STYX: variants seen among roughly 807,000 people sequenced by gnomAD.
The protein encoded by STYX is serine/threonine/tyrosine interacting protein.
In STYX, 20 loss-of-function variants were observed where a neutral mutation model predicts 42.7. The observed-to-expected ratio is 0.47, with a 90% CI of 0.33 to 0.68. STYX has a LOEUF of 0.68. Among genes scored for constraint, STYX ranks in the 30% least tolerant of loss-of-function variants. The pLI, the probability that STYX is intolerant of heterozygous loss-of-function variation, is 0.02. For missense variants in STYX, 226 were observed against 268.5 expected (o/e 0.84, Z 1.11); for synonymous variants, 78 against 81.9 (o/e 0.95, Z 0.26).
At chr14:52,748,950 T>C (rs1276961321) in intron 3 of STYX, among the ~76,000 whole-genome samples, 2 of 152,228 alleles carry the variant, frequency 1.3e-5, no homozygotes, top group African/African-American at 4.8e-5. Flanking sequence ...ATAATTGAAT[T>C]CTAATCTATG....
Position 52,741,226 on chromosome 14 carries a change from A to T in STYX, c.58-3626A>T, listed in dbSNP as rs866435719. ...TATATGTTTTTATATATATATATATATATATTTTTTTTTTGGTAAAGCCTA... is the reference window on the plus strand; with the variant it reads ...TATATGTTTTTATATATATATATATTTATATTTTTTTTTTGGTAAAGCCTA... On this transcript the variant is annotated intron_variant, in intron 1 of 10. Coordinates refer to ENST00000354586, the MANE Select transcript of STYX (RefSeq NM_145251.4). Among the ~76,000 whole-genome samples the T allele has an allele frequency of 1.5e-3, 155 of 101,436 alleles. 1 individual carries two copies. Among genetic ancestry groups the T allele is most frequent in the Middle Eastern group, 5.1e-3 (1 of 196 alleles). The allele number at this position is 101,436 out of a possible 152,430, so 66.5% of individuals were successfully genotyped here.
intron 1 of STYX, among the ~76,000 whole-genome samples, chr14:52,732,514 C>T (rs1880775514): frequency 6.6e-6 from 1 of 151,734 alleles, no homozygotes; most frequent in Non-Finnish European, 1.5e-5. Flanking sequence ...ACCTTGTGAT[C>T]CGCCTGGCTT....
In STYX at chr14:52,774,668, T is replaced by G. The variant is rs566093547; in HGVS notation, c.*3562T>G. ...ACTCAAAATATTCAGGTTTACATGT[T>G]AGCTCTCTCTCATAGGGAGCTGCCA... On this transcript the variant is annotated 3_prime_UTR_variant, in exon 11 of 11. Transcript: ENST00000354586. 6.6e-6 allele frequency: 1 copy of G among 151,992 alleles called. No homozygotes were observed. Among genetic ancestry groups the G allele is most frequent in the Non-Finnish European group, 1.5e-5 (1 of 67,928 alleles). The allele number at this position is 151,992 out of a possible 1,614,324, so 9.4% of individuals were successfully genotyped here.
chr14:52,732,710 G>T (rs1346694999), intron 1 of STYX, among the ~76,000 whole-genome samples: 3 of 151,748 alleles, frequency 2.0e-5, no homozygotes, highest in Non-Finnish European at 2.9e-5. Flanking sequence ...CACTCTTGTT[G>T]CCCAGGCTGG....
chr14:52,749,676 C>T (rs1448577350), intron 3 of STYX, among the ~76,000 whole-genome samples: 13 of 152,214 alleles, frequency 8.5e-5, no homozygotes, highest in Admixed American at 8.5e-4. Context: ...CATCTATAAA[C>T]TCACTTAAAC....
rs1048933849 is a variant in STYX, at chr14:52,762,050, G to GA, written c.504+2307dup. 1.9e-3 allele frequency among the ~76,000 whole-genome samples: 275 copies of GA among 142,576 alleles called. 1 individual carries two copies. Among genetic ancestry groups the GA allele is most frequent in the African/African-American group, 5.7e-3 (225 of 39,156 alleles). The allele number at this position is 142,576 out of a possible 152,430, so 93.5% of individuals were successfully genotyped here. A position where few individuals can be genotyped will look rare whatever the true frequency, so the allele number is the denominator to read the frequency against. On this transcript the variant is annotated intron_variant, in intron 9 of 10. Coordinates refer to ENST00000354586, the MANE Select transcript of STYX (RefSeq NM_145251.4). ...ACAAGAGCAAGACTTCGTCACAAAAGAAAAAAAAAAATAGAGATAGGGTTT... is the reference window on the plus strand; with the variant it reads ...ACAAGAGCAAGACTTCGTCACAAAAGAAAAAAAAAAAATAGAGATAGGGTTT...
At position 52,772,553 on chromosome 14, in the gene STYX, T is replaced by A. The variant is rs572272624; in HGVS notation, c.*1447T>A. ...GTAGCACAAACAAAACTCCTTTGTA[T>A]CTAACTTTTCTCAATCCTCTCTTGA... On this transcript the variant is annotated 3_prime_UTR_variant, in exon 11 of 11. Coordinates refer to ENST00000354586, the MANE Select transcript of STYX (RefSeq NM_145251.4). 3.7e-4 allele frequency: 57 copies of A among 152,728 alleles called. No individual in the cohort carries two copies. The highest frequency in any genetic ancestry group is 2.9e-3 in the Admixed American group (44 of 15,294). 9.5% of individuals were successfully genotyped at this position (152,728 alleles called of 1,614,324 possible). A position where few individuals can be genotyped will look rare whatever the true frequency, so the allele number is the denominator to read the frequency against.
chr14:52,735,492 G>A (rs1056658651), intron 1 of STYX, among the ~76,000 whole-genome samples: 1 of 152,012 alleles, frequency 6.6e-6, no homozygotes, highest in African/African-American at 2.4e-5. Context: ...CAGGTAGAGG[G>A]TACTTTCTGG....
chr14:52,755,831 T>C (rs527453229), intron 4 of STYX, among the ~76,000 whole-genome samples: 1 of 152,096 alleles, frequency 6.6e-6, no homozygotes, highest in Non-Finnish European at 1.5e-5. Context: ...TGTAGGTTCA[T>C]GAGCAGGAGT....
At chr14:52,743,408 C>T (rs890121010) in intron 1 of STYX, among the ~76,000 whole-genome samples, 3 of 151,778 alleles carry the variant, frequency 2.0e-5, no homozygotes, top group South Asian at 2.1e-4. Context: ...GGTGAAACCC[C>T]GTCTCTACTA....
chr14:52,764,666 CTTTTTTTTTTTT>C, intron 9 of STYX, among the ~76,000 whole-genome samples: 2 of 98,976 alleles, frequency 2.0e-5, no homozygotes, highest in Middle Eastern at 0.015. Context: ...TTTACTTTTC[CTTTTTTTTTTTT>C]TTTTTTTTGA....
Position 52,730,519 on chromosome 14 carries a change from G to A in STYX, c.45G>A (p.Lys15=). The A allele has an allele frequency of 6.2e-7, 1 of 1,613,602 alleles. No individual in the cohort carries two copies. Among genetic ancestry groups the A allele is most frequent in the Non-Finnish European group, 8.5e-7 (1 of 1,179,856 alleles). The part of the protein sequence containing the change: ...KLEFPSLPQC[K]EDAEEWTYPM... ...AGTTCCCTTCCCTTCCACAGTGCAA[G>A]GAAGACGCCGAGGTGAGTCGCTCCC... Residue 15 remains lysine (K), a synonymous_variant, in exon 1 of 11, where the codon AAG becomes AAA. Transcript: ENST00000354586.
At chr14:52,733,889 C>T (rs1484498251) in intron 1 of STYX, among the ~76,000 whole-genome samples, 1 of 152,120 alleles carries the variant, frequency 6.6e-6, no homozygotes, top group Non-Finnish European at 1.5e-5. Flanking sequence ...TGGGAGCTGC[C>T]CTAGCAGCAC....
rs767783255 is a variant in STYX, at chr14:52,746,443, G to C, written c.108G>C (p.Leu36Phe). Residue 36 changes from leucine to phenylalanine, a missense_variant, in exon 3 of 11, where the codon TTG (leucine) becomes TTC (phenylalanine). Transcript: ENST00000354586. Reference sequence around the variant, plus strand: ...TTTTCTAGGAAATTTTACCTGGATTGTTCTTAGGCCCATATTCATCTGCTA... The same window carrying C: ...TTTTCTAGGAAATTTTACCTGGATTCTTCTTAGGCCCATATTCATCTGCTA... ...RREMQEILPG[L>F]FLGPYSSAMK... The C allele has an allele frequency of 6.4e-7, 1 of 1,554,558 alleles. No individual in the cohort carries two copies. The highest frequency in any genetic ancestry group is 1.4e-5 in the African/African-American group (1 of 69,498).
At chr14:52,748,923 A>G (rs913738388) in intron 3 of STYX, among the ~76,000 whole-genome samples, 2 of 152,262 alleles carry the variant, frequency 1.3e-5, no homozygotes, top group African/African-American at 4.8e-5. Context: ...CTCAAGTTAT[A>G]CTCAAGAAAT....
At chr14:52,744,920 GTTA>G in intron 2 of STYX, 36 bp downstream of exon 2, 1 of 1,603,864 alleles carries the variant, frequency 6.2e-7, no homozygotes, top group Non-Finnish European at 8.5e-7. Flanking sequence ...ACCAACCCAT[GTTA>G]TTATCATAAT....
intron 1 of STYX, among the ~76,000 whole-genome samples, chr14:52,734,617 T>G (rs1250042425): frequency 6.6e-6 from 1 of 152,222 alleles, no homozygotes; most frequent in Non-Finnish European, 1.5e-5. Flanking sequence ...TATTTCATAT[T>G]ATATCACAGG....
At chr14:52,761,389 T>G (rs1429630377) in intron 9 of STYX, among the ~76,000 whole-genome samples, 1 of 151,750 alleles carries the variant, frequency 6.6e-6, no homozygotes, top group African/African-American at 2.4e-5. Flanking sequence ...TGAATATACC[T>G]GTAAGGTAAC....
intron 3 of STYX, 140 bp downstream of exon 3, chr14:52,746,619 C>T (rs1035539849): frequency 3.0e-6 from 2 of 658,272 alleles, no homozygotes; most frequent in Admixed American, 3.9e-5. Context: ...TCTGGAGTAC[C>T]TTCCTCTTTC....
Sources: allele counts gnomAD v4.1 joint callset (sites outside exome capture counted in the v4.1 genomes callset), GRCh38; gene constraint gnomAD v4.1.1; transcripts MANE v1.5; gene names NCBI Gene and HGNC (gene_info 2026-07-23, HGNC 2026-07-21).